The following HAO1 variants were observed in gnomAD, a reference collection of about 807,000 sequenced individuals.
HAO1 encodes the protein 2-Hydroxyacid oxidase 1.
Under a neutral mutation model 39.7 loss-of-function variants are expected in HAO1, and 34 were observed. The ratio of observed to expected loss-of-function variants is 0.86; its 90% confidence interval spans 0.65 to 1.14. The LOEUF is 1.14. HAO1 is among the 50% of genes most tolerant of loss of function. HAO1 has a pLI of 0.00. For missense variants in HAO1, 479 were observed against 464.5 expected (o/e 1.03, Z -0.29); for synonymous variants, 172 against 173.2 (o/e 0.99, Z 0.05).
At chr20:7,925,986 G>C (rs1329569229) in intron 2 of HAO1, among the ~76,000 whole-genome samples, 1 of 151,956 alleles carries the variant, frequency 6.6e-6, no homozygotes, top group Admixed American at 6.6e-5. Flanking sequence ...ATACATTTTA[G>C]TATATGTATA....
chr20:7,930,887 G>A (rs924521566), intron 2 of HAO1, among the ~76,000 whole-genome samples: 1 of 152,148 alleles, frequency 6.6e-6, no homozygotes, highest in African/African-American at 2.4e-5. Flanking sequence ...AATACATGCA[G>A]AGCACAAGCA....
chr20:7,899,670 T>G (rs1250416268), intron 4 of HAO1, among the ~76,000 whole-genome samples: 1 of 152,192 alleles, frequency 6.6e-6, no homozygotes, highest in East Asian at 1.9e-4. Flanking sequence ...AAGGATAATT[T>G]ATAACCAGAT....
chr20:7,908,511 T>C (rs937209288), intron 3 of HAO1, among the ~76,000 whole-genome samples: 6 of 152,098 alleles, frequency 3.9e-5, no homozygotes. Flanking sequence ...CACTTTAGAG[T>C]ATTTTAGCTA....
chr20:7,892,161 C>T (rs2050177065), intron 5 of HAO1, among the ~76,000 whole-genome samples: 1 of 152,200 alleles, frequency 6.6e-6, no homozygotes, highest in Admixed American at 6.5e-5. Flanking sequence ...TCTCGGCTCA[C>T]TGCAACCTCC....
chr20:7,904,163 CCTGGGCCGTCT>C (rs1024482406), intron 4 of HAO1, among the ~76,000 whole-genome samples: 2 of 152,046 alleles, frequency 1.3e-5, no homozygotes, highest in African/African-American at 2.4e-5. Flanking sequence ...AGCCAGATCC[CCTGGGCCGTCT>C]CTGTGATTAA....
intron 3 of HAO1, among the ~76,000 whole-genome samples, chr20:7,911,785 T>C (rs2050280982): frequency 6.6e-6 from 1 of 152,232 alleles, no homozygotes; most frequent in South Asian, 2.1e-4. Flanking sequence ...CTCCCTTGCC[T>C]GCCAAACTTC....
Position 7,895,232 on chromosome 20 carries a change from G to A in HAO1, c.722-8C>T. On this transcript the variant is annotated splice_polypyrimidine_tract_variant and splice_region_variant and intron_variant, in intron 4 of 7. Transcript: ENST00000378789. ...CCTCCCTGGCATCATCACCTGGAGA[G>A]AGTAAAACAAGCACCTTAGGGAAAC... 2 of 1,576,896 alleles carry A rather than the reference G, an allele frequency of 1.3e-6. No individual in the cohort carries two copies. The highest frequency in any genetic ancestry group is 1.1e-5 in the South Asian group (1 of 90,306).
At position 7,923,912 on chromosome 20, in the gene HAO1, A is replaced by C. The variant is rs187317299; in HGVS notation, c.290-9493T>G. On this transcript the variant is annotated intron_variant, in intron 2 of 7. Transcript: ENST00000378789. ...AGAATATGTGTGATGTCCTGAGCAA[A>C]GTTGGGGCTCATTGAAAACGGGAGG... Among the ~76,000 whole-genome samples, 246 of 152,238 alleles carry C rather than the reference A, an allele frequency of 1.6e-3. 1 individual carries two copies. The highest frequency in any genetic ancestry group is 5.8e-3 in the African/African-American group (241 of 41,552).
At position 7,883,595 on chromosome 20, in the gene HAO1, A is replaced by T; in HGVS notation, c.1111T>A (p.Ter371ArgextTer18). 6.2e-7 allele frequency: 1 copy of T among 1,608,896 alleles called. No homozygotes were observed. The highest frequency in any genetic ancestry group is 8.5e-7 in the Non-Finnish European group (1 of 1,175,238). The change falls in exon 8 of 8, where the codon TGA (stop) becomes AGA (arginine). Residue 371 changes from the stop codon to arginine (R), a stop_lost. Transcript: ENST00000378789. ...AGATGGGAAAATATTGTGCACTGTCAGATCTTGGAAACGGCCAAAGGATTT... is the reference window on the plus strand; with the variant it reads ...AGATGGGAAAATATTGTGCACTGTCTGATCTTGGAAACGGCCAAAGGATTT... Reference protein sequence around the residue: ...RKNPLAVSKI* With the variant: ...RKNPLAVSKIR
At chr20:7,917,748 A>G (rs888751895) in intron 2 of HAO1, among the ~76,000 whole-genome samples, 1 of 152,226 alleles carries the variant, frequency 6.6e-6, no homozygotes, top group Non-Finnish European at 1.5e-5. Flanking sequence ...AGCTCTGCCA[A>G]TAGGAACATC....
At chr20:7,904,642 G>A (rs2050239083) in intron 4 of HAO1, among the ~76,000 whole-genome samples, 1 of 151,952 alleles carries the variant, frequency 6.6e-6, no homozygotes, top group Non-Finnish European at 1.5e-5. Flanking sequence ...ACATTTTATT[G>A]CACCCAAAAT....
chr20:7,893,529 A>G (rs114004104), intron 5 of HAO1, among the ~76,000 whole-genome samples: 4,257 of 152,218 alleles, frequency 0.028, 229 homozygotes, highest in African/African-American at 0.097. Flanking sequence ...CACCATTGTA[A>G]AACCGAAAAG....
chr20:7,934,545 A>G lies in HAO1; in HGVS notation c.228T>C (p.Cys76=), dbSNP rs544857853. ...VLGQRVSMPI[C]VGATAMQRMA... is the part of the protein sequence containing the mutation. ...TGCGCTGCATGGCCGTAGCCCCCAC[A>G]CATATTGGCATGCTGACCCTCTGTC... The change falls in exon 2 of 8, where the codon TGT becomes TGC. Residue 76 remains cysteine (C), a synonymous_variant. Coordinates refer to ENST00000378789, the MANE Select transcript of HAO1 (RefSeq NM_017545.3). 1 of 1,613,526 alleles carries G rather than the reference A, an allele frequency of 6.2e-7. No homozygotes were observed. Among genetic ancestry groups the G allele is most frequent in the African/African-American group, 1.3e-5 (1 of 75,002 alleles).
In HAO1 at chr20:7,925,307, G is replaced by A. The variant is rs80270507; in HGVS notation, c.289+9177C>T. Among the ~76,000 whole-genome samples the A allele has an allele frequency of 5.5e-4, 83 of 152,210 alleles. 1 individual carries two copies. The East Asian group carries it at 0.013, about 24-fold the overall frequency. ...AAAGACCAAGAAACCAGATTTAATC[G>A]TTGCCGTGCTTTCATCATGGCCCAT... On this transcript the variant is annotated intron_variant, in intron 2 of 7. Transcript: ENST00000378789.
chr20:7,930,457 T>A (rs896695335), intron 2 of HAO1, among the ~76,000 whole-genome samples: 2 of 152,232 alleles, frequency 1.3e-5, no homozygotes, highest in African/African-American at 2.4e-5. Context: ...CCTGTGGCTA[T>A]CTATAGCCTT....
At chr20:7,898,401 T>C (rs761880395) in intron 4 of HAO1, among the ~76,000 whole-genome samples, 7 of 152,178 alleles carry the variant, frequency 4.6e-5, no homozygotes, top group Non-Finnish European at 1.0e-4. Flanking sequence ...GCTGTTTCTG[T>C]CCTCTATCCT....
intron 2 of HAO1, among the ~76,000 whole-genome samples, chr20:7,920,802 C>G (rs991481554): frequency 4.6e-5 from 7 of 152,118 alleles, no homozygotes. Context: ...GATGGCATAT[C>G]ATGACTATTA....
At chr20:7,924,310 T>A (rs1017335566) in intron 2 of HAO1, among the ~76,000 whole-genome samples, 1 of 151,964 alleles carries the variant, frequency 6.6e-6, no homozygotes, top group African/African-American at 2.4e-5. Flanking sequence ...TAAATAAAAA[T>A]AAAATGGTAT....
intron 3 of HAO1, among the ~76,000 whole-genome samples, chr20:7,910,667 T>C (rs1410708822): frequency 6.6e-6 from 1 of 152,110 alleles, no homozygotes; most frequent in Non-Finnish European, 1.5e-5. Flanking sequence ...AGCCTACTGA[T>C]AAAAACAGGA....
Sources: allele counts gnomAD v4.1 joint callset (sites outside exome capture counted in the v4.1 genomes callset), GRCh38; gene constraint gnomAD v4.1.1; transcripts MANE v1.5; gene names NCBI Gene and HGNC (gene_info 2026-07-23, HGNC 2026-07-21).